The following REEP5 variants were observed in gnomAD, a reference collection of about 807,000 sequenced individuals.
REEP5 encodes receptor expression-enhancing protein 5.
In REEP5, 24 loss-of-function variants were observed where a neutral mutation model predicts 22.4. That is an observed-to-expected ratio of 1.07 (90% CI 0.78 to 1.51). REEP5 has a LOEUF of 1.51. Ranked by LOEUF, REEP5 falls within the 40% of genes most tolerant of loss-of-function variation. The pLI, the probability that REEP5 is intolerant of heterozygous loss-of-function variation, is 0.00. For missense variants in REEP5, 252 were observed against 233.0 expected (o/e 1.08, Z -0.53); for synonymous variants, 103 against 88.6 (o/e 1.16, Z -0.92).
intron 3 of REEP5, among the ~76,000 whole-genome samples, chr5:112,887,582 C>G (rs75310047): frequency 1.3e-5 from 2 of 152,204 alleles, no homozygotes; most frequent in African/African-American, 4.8e-5. Context: ...GAGGCCTGTG[C>G]TTGGTAGGCT....
chr5:112,920,259 G>C (rs946754913), intron 2 of REEP5, among the ~76,000 whole-genome samples: 2 of 152,186 alleles, frequency 1.3e-5, no homozygotes, highest in Admixed American at 1.3e-4. Flanking sequence ...CCTAACTAGT[G>C]ACAGATACAA....
rs771760338 is a variant in REEP5, at chr5:112,891,717, C to T, written c.352-4534G>A. 1.7e-5 allele frequency: 27 copies of T among 1,613,882 alleles called. 1 individual carries two copies. Among genetic ancestry groups the T allele is most frequent in the Admixed American group, 5.0e-5 (3 of 59,968 alleles). ...AACCAAGCCACAAAAAGTACAGGGC[C>T]GCCCTGAAGAAGGAGAAACGAAAGA... On this transcript the variant is annotated intron_variant, in intron 3 of 4. Coordinates refer to ENST00000379638, the MANE Select transcript of REEP5 (RefSeq NM_005669.5).
chr5:112,920,891 G>T (rs140662222), intron 2 of REEP5, among the ~76,000 whole-genome samples: 227 of 152,312 alleles, frequency 1.5e-3, no homozygotes, highest in Non-Finnish European at 2.5e-3. Flanking sequence ...ACGACAGAGT[G>T]GTAGCGCTTT....
rs1767942229 is a variant in REEP5, at chr5:112,877,758, G to C, written c.*1028C>G. ...ATGTTGTTGCTAATGATACAAACAA[G>C]AACATACATGTAATCAGAGGTGGAC... On this transcript the variant is annotated 3_prime_UTR_variant, in exon 5 of 5. Coordinates refer to ENST00000379638, the MANE Select transcript of REEP5 (RefSeq NM_005669.5). The C allele has an allele frequency of 6.6e-6, 1 of 152,086 alleles. No individual in the cohort carries two copies. Among genetic ancestry groups the C allele is most frequent in the Non-Finnish European group, 1.5e-5 (1 of 68,020 alleles). The allele number at this position is 152,086 out of a possible 1,614,324, so 9.4% of individuals were successfully genotyped here.
At chr5:112,888,695 T>C (rs1222662645) in intron 3 of REEP5, among the ~76,000 whole-genome samples, 2 of 151,052 alleles carry the variant, frequency 1.3e-5, no homozygotes, top group African/African-American at 4.9e-5. Flanking sequence ...CCTTTGTGAA[T>C]TAAAATTTGT....
chr5:112,901,607 G>A (rs1243651221), intron 3 of REEP5, among the ~76,000 whole-genome samples: 3 of 152,082 alleles, frequency 2.0e-5, no homozygotes, highest in Non-Finnish European at 1.5e-5. Context: ...AGCTACTCGG[G>A]AGGCTGAGGC....
rs1309636764 is a variant in REEP5, at chr5:112,887,027, T to C, written c.508A>G (p.Ile170Val). 9 of 1,603,950 alleles carry C rather than the reference T, an allele frequency of 5.6e-6. 1 individual carries two copies. Among genetic ancestry groups the C allele is most frequent in the South Asian group, 5.5e-5 (5 of 90,538 alleles). ...KDKAKETADA[I>V]TKEAKKATVN... is the part of the protein sequence containing the mutation. ...TCCTGAGTCTTACCTTCTTTAGTGA[T>C]GGCATCTGCAGTCTCTTTGGCCTTG... Residue 170 changes from isoleucine to valine, a missense_variant, in exon 4 of 5, where the codon ATC becomes GTC. Physicochemically the swap from Ile to Val is conservative, Grantham distance 29. Transcript: ENST00000379638.
At chr5:112,906,258 C>T (rs1038447682) in intron 2 of REEP5, among the ~76,000 whole-genome samples, 4 of 152,194 alleles carry the variant, frequency 2.6e-5, no homozygotes, top group Non-Finnish European at 5.9e-5. Context: ...AGAGAAATAA[C>T]ATGTGCAGGG....
intron 3 of REEP5, among the ~76,000 whole-genome samples, chr5:112,901,850 C>G (rs543364042): frequency 2.2e-4 from 34 of 151,914 alleles, no homozygotes; most frequent in Non-Finnish European, 4.7e-4. Flanking sequence ...GTAATCCCTG[C>G]TACTCAGGAG....
At position 112,922,146 on chromosome 5, in the gene REEP5, C is replaced by T. The variant is rs372561387; in HGVS notation, c.45G>A (p.Glu15=). The T allele has an allele frequency of 2.0e-5, 32 of 1,608,286 alleles. No individual in the cohort carries two copies. The highest frequency in any genetic ancestry group is 2.7e-5 in the Non-Finnish European group (32 of 1,177,452). Residue 15 remains glutamate, a synonymous_variant, in exon 1 of 5, where the codon GAG becomes GAA. Transcript: ENST00000379638. The stretch of plus-strand genomic sequence containing the variant: ...CCAGAAGGTCAGTCATGCAGTTCTT[C>T]TCGTGCAGGAACCGGTCGAACCTCT... ...MRERFDRFLH[E]KNCMTDLLAK...
chr5:112,902,179 C>T (rs761907713), intron 3 of REEP5, among the ~76,000 whole-genome samples: 7 of 150,592 alleles, frequency 4.6e-5, no homozygotes, highest in Non-Finnish European at 8.8e-5. Context: ...CCCAGCTACT[C>T]GGGAGGCTGA....
intron 3 of REEP5, chr5:112,892,052 A>G: frequency 6.6e-7 from 1 of 1,522,254 alleles, no homozygotes; most frequent in Non-Finnish European, 9.1e-7. Context: ...AAAGAAAAAG[A>G]GGAAGCTGTG....
At chr5:112,905,971 A>G (rs1768948989) in intron 2 of REEP5, among the ~76,000 whole-genome samples, 1 of 152,174 alleles carries the variant, frequency 6.6e-6, no homozygotes, top group African/African-American at 2.4e-5. Flanking sequence ...TCAGTAGATA[A>G]AAGTGATTCT....
At position 112,878,476 on chromosome 5, in the gene REEP5, C is replaced by T. The variant is rs1767964025; in HGVS notation, c.*310G>A. The stretch of plus-strand genomic sequence containing the variant: ...AGGGAGAGCCCAGTAAAGTACACAG[C>T]CTGTGGGGTATATAATTTTATTTTA... On this transcript the variant is annotated 3_prime_UTR_variant, in exon 5 of 5. Transcript: ENST00000379638. 5.8e-6 allele frequency: 2 copies of T among 344,302 alleles called. No homozygotes were observed. Among genetic ancestry groups the T allele is most frequent in the Non-Finnish European group, 1.1e-5 (2 of 190,234 alleles). 21.3% of individuals were successfully genotyped at this position (344,302 alleles called of 1,614,324 possible). A position where few individuals can be genotyped will look rare whatever the true frequency, so the allele number is the denominator to read the frequency against.
intron 3 of REEP5, chr5:112,892,207 G>A (rs1407096951): frequency 6.2e-7 from 1 of 1,614,172 alleles, no homozygotes; most frequent in Non-Finnish European, 8.5e-7. Flanking sequence ...CAGATTTGGA[G>A]ACAGATGTTC....
Position 112,921,165 on chromosome 5 carries a change from G to C in REEP5, c.210C>G (p.Ile70Met), listed in dbSNP as rs1302751846. 2 of 1,613,966 alleles carry C rather than the reference G, an allele frequency of 1.2e-6. No individual in the cohort carries two copies. Among genetic ancestry groups the C allele is most frequent in the East Asian group, 2.2e-5 (1 of 44,888 alleles). Reference protein sequence around the residue: ...NLIGFGYPAYISIKAIESPNK... With the variant: ...NLIGFGYPAYMSIKAIESPNK... The stretch of plus-strand genomic sequence containing the variant: ...CGGCTGCAGGGTGTGTCACTTACGA[G>C]ATGTAGGCTGGGTAGCCAAATCCTA... The change falls in exon 2 of 5, where the codon ATC becomes ATG. Residue 70 changes from isoleucine to methionine, a missense_variant and splice_region_variant. Ile to Met is a conservative substitution (Grantham distance 10). Transcript: ENST00000379638.
At chr5:112,921,907 G>T in intron 1 of REEP5, 166 bp downstream of exon 1, 1 of 865,970 alleles carries the variant, frequency 1.2e-6, no homozygotes, top group Non-Finnish European at 1.6e-6. Flanking sequence ...GGGGTCCTCC[G>T]ATGCCCACGC....
At chr5:112,899,262 GT>G (rs35060737) in intron 3 of REEP5, among the ~76,000 whole-genome samples, 60,437 of 144,430 alleles carry the variant, frequency 0.42, 13,028 homozygotes, top group African/African-American at 0.59. Flanking sequence ...TTGGTTTTCG[GT>G]TTTTTTTTTT....
intron 3 of REEP5, chr5:112,891,674 A>T (rs1768455560): frequency 2.5e-6 from 4 of 1,613,568 alleles, no homozygotes; most frequent in East Asian, 2.2e-5. Flanking sequence ...TTTCCCAAGA[A>T]GATGACATTT....
Sources: allele counts gnomAD v4.1 joint callset (sites outside exome capture counted in the v4.1 genomes callset), GRCh38; gene constraint gnomAD v4.1.1; transcripts MANE v1.5; gene names NCBI Gene and HGNC (gene_info 2026-07-23, HGNC 2026-07-21).